TMEM236: variants seen among roughly 807,000 people sequenced by gnomAD.
The protein encoded by TMEM236 is family with sequence similarity 23, member A.
A neutral mutation model predicts 14.7 loss-of-function variants in TMEM236; 11 were observed. The observed-to-expected ratio is 0.75, with a 90% CI of 0.47 to 1.24. TMEM236 has a LOEUF of 1.24. Among genes scored for constraint, TMEM236 ranks in the 50% most tolerant of loss-of-function variants. The pLI is 0.00. For synonymous variants in TMEM236, 182 were observed against 168.6 expected, an observed-to-expected ratio of 1.08 and a Z score of -0.62; for missense variants, 464 against 427.3, an observed-to-expected ratio of 1.09 and a Z score of -0.76.
chr10:17,763,182 A>C (rs1463879270), intron 1 of TMEM236, among the ~76,000 whole-genome samples: 8 of 152,168 alleles, frequency 5.3e-5, no homozygotes, highest in Non-Finnish European at 1.5e-5. Flanking sequence ...AGCATCATCA[A>C]AACTTAGTGC....
intron 3 of TMEM236, among the ~76,000 whole-genome samples, chr10:17,780,164 T>C (rs1228874389): frequency 2.0e-5 from 3 of 152,182 alleles, no homozygotes; most frequent in African/African-American, 4.8e-5. Context: ...CTCCCACTTA[T>C]AGAACTCGTG....
Position 17,796,006 on chromosome 10 carries a change from T to G in TMEM236, c.558T>G (p.Ala186=). The change falls in exon 4 of 4, where the codon GCT becomes GCG. Residue 186 remains alanine, a synonymous_variant. Transcript: ENST00000377495. Reference sequence around the variant, plus strand: ...AAGTGAGGCAAAGTCCAGAAAACGCTGCATCTCCCCAGGCAACCAACAGCA... The same window carrying G: ...AAGTGAGGCAAAGTCCAGAAAACGCGGCATCTCCCCAGGCAACCAACAGCA... ...TEQVRQSPEN[A]ASPQATNSTQ... 1 of 1,613,920 alleles carries G rather than the reference T, an allele frequency of 6.2e-7. No individual in the cohort carries two copies. The highest frequency in any genetic ancestry group is 2.2e-5 in the East Asian group (1 of 44,876).
intron 1 of TMEM236, among the ~76,000 whole-genome samples, chr10:17,759,791 TA>T (rs1589138750): frequency 1.3e-5 from 2 of 151,824 alleles, no homozygotes; most frequent in Admixed American, 6.6e-5. Context: ...CCATCCTGGC[TA>T]ACACGGTGAA....
chr10:17,781,013 C>T (rs1489532515), intron 3 of TMEM236, among the ~76,000 whole-genome samples: 1 of 152,214 alleles, frequency 6.6e-6, no homozygotes, highest in African/African-American at 2.4e-5. Context: ...GGACTTTCCA[C>T]TTGGCTGGTG....
intron 1 of TMEM236, among the ~76,000 whole-genome samples, chr10:17,761,081 TG>T (rs1301743065): frequency 2.6e-5 from 4 of 152,188 alleles, no homozygotes; most frequent in Admixed American, 2.6e-4. Flanking sequence ...CACCACATTC[TG>T]GTAATTCTTC....
chr10:17,765,827 G>A (rs957169918), intron 1 of TMEM236, among the ~76,000 whole-genome samples: 3 of 152,158 alleles, frequency 2.0e-5, no homozygotes, highest in Admixed American at 6.5e-5. Context: ...CTGGGCTTGT[G>A]GTTGCAGCAC....
intron 2 of TMEM236, among the ~76,000 whole-genome samples, chr10:17,773,573 G>A (rs1217383276): frequency 1.3e-5 from 2 of 151,996 alleles, no homozygotes; most frequent in Non-Finnish European, 2.9e-5. Context: ...CCTGACCTCA[G>A]GTGATCCACC....
intron 3 of TMEM236, among the ~76,000 whole-genome samples, chr10:17,780,122 C>T (rs912618365): frequency 6.6e-6 from 1 of 152,158 alleles, no homozygotes; most frequent in African/African-American, 2.4e-5. Context: ...CAGGTAGTGG[C>T]CATTCTACTC....
rs1444905672 is a variant in TMEM236 at position 17,796,107 on chromosome 10, G to C, written c.659G>C (p.Cys220Ser). The change falls in exon 4 of 4, where the codon TGT (cysteine) becomes TCT (serine). Residue 220 changes from cysteine to serine, a missense_variant. By Grantham distance (112) the Cys-to-Ser change is moderately radical. Coordinates refer to ENST00000377495, the MANE Select transcript of TMEM236 (RefSeq NM_001098844.3). ...SVFMGPQEPS[C>S]DSGILRMMSR... is the part of the protein sequence containing the mutation. The stretch of plus-strand genomic sequence containing the variant: ...TTCATGGGACCCCAGGAGCCCTCCT[G>C]TGACTCCGGAATCCTGAGAATGATG... The C allele has an allele frequency of 1.9e-6, 3 of 1,613,756 alleles. No homozygotes were observed. Among genetic ancestry groups the C allele is most frequent in the African/African-American group, 1.3e-5 (1 of 74,894 alleles).
At chr10:17,784,929 A>C (rs1837809552) in intron 3 of TMEM236, among the ~76,000 whole-genome samples, 1 of 152,184 alleles carries the variant, frequency 6.6e-6, no homozygotes, top group African/African-American at 2.4e-5. Flanking sequence ...AATTGGAACC[A>C]GGAATTTGTT....
chr10:17,783,680 TC>T (rs1241726227), intron 3 of TMEM236, among the ~76,000 whole-genome samples: 4 of 152,160 alleles, frequency 2.6e-5, no homozygotes, highest in African/African-American at 9.7e-5. Flanking sequence ...GTTAAATTGC[TC>T]CCTCTAAAGA....
In TMEM236 at chr10:17,752,358, C is replaced by G. The variant is rs1163272440; in HGVS notation, c.63C>G (p.Ser21=). ...VFELLEFAAF[S]IPTLVITEQF... ...AGCTCCTAGAGTTTGCCGCTTTCTC[C>G]ATCCCCACACTCGTGATCACAGAAC... The change falls in exon 1 of 4, where the codon TCC becomes TCG. Residue 21 remains serine (S), a synonymous_variant. Coordinates refer to ENST00000377495, the MANE Select transcript of TMEM236 (RefSeq NM_001098844.3). 7.4e-6 allele frequency: 12 copies of G among 1,613,720 alleles called. No individual in the cohort carries two copies. The highest frequency in any genetic ancestry group is 1.0e-5 in the Non-Finnish European group (12 of 1,179,870).
rs1242458323 is a variant in TMEM236 at position 17,798,536 on chromosome 10, TA to T, written c.*2040del. ...ACTGGGCAACAGAGTGACACCCATC[TA>T]AAAAAAATAAAAGAGAATTTGACGT... On this transcript the variant is annotated 3_prime_UTR_variant, in exon 4 of 4. Transcript: ENST00000377495. The T allele has an allele frequency of 1.1e-5, 6 of 533,664 alleles. No individual in the cohort carries two copies. Among genetic ancestry groups the T allele is most frequent in the Non-Finnish European group, 2.3e-5 (6 of 259,646 alleles). The allele number at this position is 533,664 out of a possible 1,614,324, so 33.1% of individuals were successfully genotyped here. A position where few individuals can be genotyped will look rare whatever the true frequency, so the allele number is the denominator to read the frequency against.
intron 1 of TMEM236, among the ~76,000 whole-genome samples, chr10:17,765,449 C>T (rs1837447273): frequency 6.6e-6 from 1 of 152,140 alleles, no homozygotes; most frequent in Non-Finnish European, 1.5e-5. Context: ...CCAAAACTTT[C>T]CCTCAAAATC....
chr10:17,762,276 A>G (rs946748802), intron 1 of TMEM236, among the ~76,000 whole-genome samples: 117 of 152,072 alleles, frequency 7.7e-4, no homozygotes, highest in African/African-American at 2.8e-3. Flanking sequence ...TCCATCAACC[A>G]TTCCTATCCC....
chr10:17,798,889 T>C lies in TMEM236; in HGVS notation c.*2385T>C, dbSNP rs1838056232. 2.9e-6 allele frequency: 1 copy of C among 344,608 alleles called. No homozygotes were observed. The highest frequency in any genetic ancestry group is 5.7e-6 in the Non-Finnish European group (1 of 175,062). The allele number at this position is 344,608 out of a possible 1,614,324, so 21.3% of individuals were successfully genotyped here. On this transcript the variant is annotated 3_prime_UTR_variant, in exon 4 of 4. Coordinates refer to ENST00000377495, the MANE Select transcript of TMEM236 (RefSeq NM_001098844.3). ...GGGTACCAAGTCTCCAAGAAACAAG[T>C]ATCTCAATGCAGTTTTAGAAATTTC...
chr10:17,794,900 C>T (rs1286974232), intron 3 of TMEM236, among the ~76,000 whole-genome samples: 2 of 152,082 alleles, frequency 1.3e-5, no homozygotes, highest in African/African-American at 2.4e-5. Flanking sequence ...TGGTGGTGTG[C>T]ACCTGTAATC....
At position 17,799,129 on chromosome 10, in the gene TMEM236, G is replaced by A. The variant is rs1217697048; in HGVS notation, c.*2625G>A. 5.8e-6 allele frequency: 1 copy of A among 171,766 alleles called. No homozygotes were observed. Among genetic ancestry groups the A allele is most frequent in the Non-Finnish European group, 1.3e-5 (1 of 79,372 alleles). The allele number at this position is 171,766 out of a possible 1,614,324, so 10.6% of individuals were successfully genotyped here. A position where few individuals can be genotyped will look rare whatever the true frequency, so the allele number is the denominator to read the frequency against. ...AGACATTTGAGTGTCTGTCCTCTGA[G>A]TTCCCATAGAATCTGAATTACACCA... On this transcript the variant is annotated 3_prime_UTR_variant, in exon 4 of 4. Transcript: ENST00000377495.
chr10:17,784,647 T>G (rs1419188222), intron 3 of TMEM236, among the ~76,000 whole-genome samples: 1 of 152,218 alleles, frequency 6.6e-6, no homozygotes, highest in East Asian at 1.9e-4. Context: ...GCACTACTAA[T>G]TTTTAAAATT....
Sources: allele counts gnomAD v4.1 joint callset (sites outside exome capture counted in the v4.1 genomes callset), GRCh38; gene constraint gnomAD v4.1.1; transcripts MANE v1.5; gene names NCBI Gene and HGNC (gene_info 2026-07-23, HGNC 2026-07-21).